Variants in IFT43 observed in about 807,000 individuals in gnomAD.
IFT43 encodes intraflagellar transport protein 43 homolog.
A neutral mutation model predicts 32.3 loss-of-function variants in IFT43; 33 were observed. The observed-to-expected ratio is 1.02, with a 90% CI of 0.77 to 1.37. The LOEUF is 1.37. Ranked by LOEUF, IFT43 falls within the 40% of genes most tolerant of loss-of-function variation. The pLI is 0.00. For synonymous variants in IFT43, 93 were observed against 98.2 expected, an observed-to-expected ratio of 0.95 and a Z score of 0.31; for missense variants, 274 against 265.9, an observed-to-expected ratio of 1.03 and a Z score of -0.21.
At chr14:76,077,705 T>C (rs954541522) in intron 5 of IFT43, among the ~76,000 whole-genome samples, 1 of 152,180 alleles carries the variant, frequency 6.6e-6, no homozygotes, top group Non-Finnish European at 1.5e-5. Flanking sequence ...GCATTTTCTA[T>C]CCTGCTTACT....
At chr14:76,040,800 A>C (rs1440839218) in intron 3 of IFT43, among the ~76,000 whole-genome samples, 1 of 152,198 alleles carries the variant, frequency 6.6e-6, no homozygotes, top group Non-Finnish European at 1.5e-5. Flanking sequence ...AAGTGACCCC[A>C]GTCAGTTCTC....
chr14:76,052,265 A>G (rs552171312), intron 3 of IFT43, among the ~76,000 whole-genome samples: 19 of 152,284 alleles, frequency 1.2e-4, no homozygotes, highest in African/African-American at 4.6e-4. Context: ...CTTTATCTCC[A>G]TTTAGATCTC....
At chr14:76,013,462 G>A (rs1275868851) in intron 2 of IFT43, among the ~76,000 whole-genome samples, 1 of 152,218 alleles carries the variant, frequency 6.6e-6, no homozygotes, top group Non-Finnish European at 1.5e-5. Flanking sequence ...CATAAAACGA[G>A]CAACAGCAGT....
chr14:76,053,889 G>A (rs145675731), intron 3 of IFT43, among the ~76,000 whole-genome samples: 11 of 152,306 alleles, frequency 7.2e-5, no homozygotes, highest in Non-Finnish European at 1.5e-4. Context: ...TGAACACCAC[G>A]TACTTGGGCG....
rs372802010 is a variant in IFT43 at position 76,068,252 on chromosome 14, A to C, written c.295+8879A>C. Among the ~76,000 whole-genome samples, 181 of 152,344 alleles carry C rather than the reference A, an allele frequency of 1.2e-3. 5 individuals are homozygous for C. In the South Asian group the frequency reaches 0.035, roughly 30 times the overall value. ...AGTTGGCTAGCTAGAGAAGAATGTG[A>C]AAGACCTTCCAAGGAAGGATGTCTA... On this transcript the variant is annotated intron_variant, in intron 5 of 8. Transcript: ENST00000314067.
At chr14:76,025,608 C>T (rs990925579) in intron 3 of IFT43, among the ~76,000 whole-genome samples, 20 of 152,088 alleles carry the variant, frequency 1.3e-4, no homozygotes, top group African/African-American at 4.6e-4. Flanking sequence ...CAAAAAGAGA[C>T]ACATAGACCA....
intron 5 of IFT43, among the ~76,000 whole-genome samples, chr14:76,065,332 T>C (rs1178027095): frequency 2.6e-5 from 4 of 152,190 alleles, no homozygotes; most frequent in African/African-American, 9.7e-5. Context: ...AGTAGGAAAG[T>C]TTTGAAAAAT....
chr14:76,028,012 C>T lies in IFT43; in HGVS notation c.215+5618C>T, dbSNP rs188792573. 9.4e-4 allele frequency among the ~76,000 whole-genome samples: 143 copies of T among 152,134 alleles called. 2 individuals carry two copies. The highest frequency in any genetic ancestry group is 3.4e-3 in the African/African-American group (139 of 41,490). The stretch of plus-strand genomic sequence containing the variant: ...GCCAGTTGTGTTGTAGAATGTCTCA[C>T]ATTCTGGGTTTCTCTAACTGATTCT... On this transcript the variant is annotated intron_variant, in intron 3 of 8. Coordinates refer to ENST00000314067, the MANE Select transcript of IFT43 (RefSeq NM_001102564.3).
At chr14:75,988,780 A>G (rs764610258) in intron 1 of IFT43, 105 bp from the exon 2 acceptor site, 20 of 1,568,466 alleles carry the variant, frequency 1.3e-5, no homozygotes, top group Non-Finnish European at 1.7e-5. Flanking sequence ...GTCCTCCCAA[A>G]GTGCTGGGAT....
At chr14:76,072,610 G>A (rs188225408) in intron 5 of IFT43, among the ~76,000 whole-genome samples, 4 of 152,284 alleles carry the variant, frequency 2.6e-5, no homozygotes, top group East Asian at 1.9e-4. Context: ...TGTTTTAAAC[G>A]AAGCAGGTTG....
chr14:75,991,552 A>G (rs1258852388), intron 2 of IFT43, among the ~76,000 whole-genome samples: 1 of 151,858 alleles, frequency 6.6e-6, no homozygotes, highest in East Asian at 1.9e-4. Context: ...CCCCATACCA[A>G]ATCAGCTCCT....
chr14:76,069,433 G>A (rs1004090733), intron 5 of IFT43, among the ~76,000 whole-genome samples: 2 of 152,280 alleles, frequency 1.3e-5, no homozygotes, highest in Middle Eastern at 3.4e-3. Flanking sequence ...GACAGCAAGT[G>A]CAAAGTTATG....
chr14:76,045,242 C>G (rs1422520980), intron 3 of IFT43, among the ~76,000 whole-genome samples: 4 of 152,190 alleles, frequency 2.6e-5, no homozygotes, highest in Non-Finnish European at 5.9e-5. Flanking sequence ...TCATCTTTTT[C>G]CCCTGGGTTT....
chr14:75,999,346 T>C (rs2035840454), intron 2 of IFT43, among the ~76,000 whole-genome samples: 1 of 143,930 alleles, frequency 6.9e-6, no homozygotes, highest in Non-Finnish European at 1.5e-5. Flanking sequence ...CAGGCCGGTC[T>C]CAAACTCCCG....
At chr14:76,004,892 A>AT (rs2035952989) in intron 2 of IFT43, among the ~76,000 whole-genome samples, 1 of 151,670 alleles carries the variant, frequency 6.6e-6, no homozygotes, top group South Asian at 2.1e-4. Context: ...ATTTCCATTT[A>AT]TTTTTCCCCA....
intron 3 of IFT43, among the ~76,000 whole-genome samples, chr14:76,048,134 C>T (rs1356143569): frequency 6.6e-6 from 1 of 152,248 alleles, no homozygotes. Context: ...CGTGCCCATT[C>T]TCAAACCTTG....
rs746538201 is a variant in IFT43 at position 76,082,372 on chromosome 14, G to T, written c.368+5G>T. ...GCAGGTGGCAGCCCCTCCCAGGTAG[G>T]TTAAATCAGATATGATTGGGGAGGC... On this transcript the variant is annotated splice_donor_5th_base_variant and intron_variant, in intron 6 of 8. Coordinates refer to ENST00000314067, the MANE Select transcript of IFT43 (RefSeq NM_001102564.3). 2.5e-6 allele frequency: 4 copies of T among 1,569,496 alleles called. No homozygotes were observed. The African/African-American group carries it at 5.4e-5, about 21-fold the overall frequency.
At chr14:76,083,204 C>A (rs1331952569) in intron 7 of IFT43, 23 bp from the exon 8 acceptor site, 1 of 1,614,138 alleles carries the variant, frequency 6.2e-7, no homozygotes, top group South Asian at 1.1e-5. Context: ...CTCAGCCTGA[C>A]CTTTTTTTGT....
At chr14:76,011,591 C>T (rs2036086859) in intron 2 of IFT43, among the ~76,000 whole-genome samples, 1 of 152,184 alleles carries the variant, frequency 6.6e-6, no homozygotes, top group Non-Finnish European at 1.5e-5. Flanking sequence ...TGCCCAGTTG[C>T]CCACCAGTCA....
Sources: gnomAD v4.1 joint callset for allele counts (sites outside exome capture counted in the v4.1 genomes callset) on GRCh38, gnomAD v4.1.1 for gene constraint, MANE v1.5 for transcripts, NCBI Gene and HGNC (gene_info 2026-07-23, HGNC 2026-07-21) for gene names.